The following MCPH1 variants were observed in gnomAD, a reference collection of about 807,000 sequenced individuals.
MCPH1 encodes the protein microcephalin.
MCPH1 carries 104 observed loss-of-function variants against 84.5 expected under a neutral mutation model. That is an observed-to-expected ratio of 1.23 (90% CI 1.05 to 1.45). The LOEUF is 1.45. MCPH1 is among the 40% of genes most tolerant of loss of function. The pLI, the probability that MCPH1 is intolerant of heterozygous loss-of-function variation, is 0.00. For synonymous variants in MCPH1, 514 were observed against 366.8 expected, an observed-to-expected ratio of 1.40 and a Z score of -4.58; for missense variants, 1,498 against 1,005.7, an observed-to-expected ratio of 1.49 and a Z score of -6.62.
chr8:6,622,033 G>C lies in MCPH1; in HGVS notation c.2452+342G>C, dbSNP rs993885451. 1.8e-5 allele frequency: 7 copies of C among 395,140 alleles called. No homozygotes were observed. In the Admixed American group the frequency reaches 2.2e-4, roughly 12 times the overall value. The allele number at this position is 395,140 out of a possible 1,614,324, so 24.5% of individuals were successfully genotyped here. On this transcript the variant is annotated intron_variant, in intron 13 of 13. Transcript: ENST00000344683. ...ACCCCTCTTAGACCCTCCCTCCCCA[G>C]TGCCTCCTTGTCCTGCTTCAGGAGT...
chr8:6,572,000 C>G (rs1238002980), intron 12 of MCPH1, among the ~76,000 whole-genome samples: 1 of 152,112 alleles, frequency 6.6e-6, no homozygotes, highest in Non-Finnish European at 1.5e-5. Context: ...CTTAAAAACG[C>G]TATTTCAAGC....
intron 12 of MCPH1, among the ~76,000 whole-genome samples, chr8:6,579,330 A>C (rs1181035891): frequency 1.3e-5 from 2 of 152,204 alleles, no homozygotes; most frequent in African/African-American, 4.8e-5. Context: ...ATTATCAAAG[A>C]AAGATTGCTT....
intron 11 of MCPH1, among the ~76,000 whole-genome samples, chr8:6,493,634 G>A (rs879317079): frequency 4.6e-5 from 7 of 151,970 alleles, no homozygotes; most frequent in Non-Finnish European, 8.8e-5. Flanking sequence ...TTACTGAAGT[G>A]CAGATCCTGG....
intron 10 of MCPH1, among the ~76,000 whole-genome samples, chr8:6,480,043 C>A (rs532218073): frequency 6.6e-6 from 1 of 152,064 alleles, no homozygotes; most frequent in African/African-American, 2.4e-5. Flanking sequence ...TTCAAATAGG[C>A]CTGAAAAACA....
intron 13 of MCPH1, among the ~76,000 whole-genome samples, chr8:6,642,499 G>T (rs150492017): frequency 2.6e-5 from 4 of 152,218 alleles, no homozygotes; most frequent in Admixed American, 2.6e-4. Flanking sequence ...TAGAAAGTAT[G>T]CTTATTCACT....
chr8:6,519,649 A>G (rs970368725), intron 12 of MCPH1, among the ~76,000 whole-genome samples: 1 of 152,242 alleles, frequency 6.6e-6, no homozygotes, highest in Non-Finnish European at 1.5e-5. Context: ...ACATTTCTAC[A>G]TCATTCATAT....
At chr8:6,509,752 T>A (rs1190669895) in intron 12 of MCPH1, among the ~76,000 whole-genome samples, 2 of 152,234 alleles carry the variant, frequency 1.3e-5, no homozygotes, top group Non-Finnish European at 2.9e-5. Context: ...GGAATACACC[T>A]GACCTTTGGA....
rs61557173 is a variant in MCPH1, at chr8:6,457,313, C to T, written c.1935+2061C>T. Among the ~76,000 whole-genome samples, 185 of 151,794 alleles carry T rather than the reference C, an allele frequency of 1.2e-3. 3 individuals carry two copies. In the East Asian group the frequency reaches 0.03, roughly 24 times the overall value. On this transcript the variant is annotated intron_variant, in intron 9 of 13. Transcript: ENST00000344683. ...AGGTTTTAAATGCAGATTTTCTGGG[C>T]CAGTCATGGTGGCTCATGCCTATAA...
chr8:6,560,066 C>G (rs970844534), intron 12 of MCPH1, among the ~76,000 whole-genome samples: 4 of 152,216 alleles, frequency 2.6e-5, no homozygotes, highest in Admixed American at 1.3e-4. Flanking sequence ...GGTTGAACTA[C>G]TATTTATTTG....
chr8:6,624,742 A>C (rs1028127880), intron 13 of MCPH1: 2 of 905,490 alleles, frequency 2.2e-6, no homozygotes, highest in African/African-American at 3.6e-5. Context: ...ATGTACAAAT[A>C]AAGGAAGGTT....
At chr8:6,480,991 C>CAGGAAAGTGTGCAGA in intron 11 of MCPH1, 115 bp downstream of exon 11, 1 of 1,245,046 alleles carries the variant, frequency 8.0e-7, no homozygotes, top group Non-Finnish European at 1.2e-6. Context: ...GATCTGCACA[C>CAGGAAAGTGTGCAGA]TTTCCTGTGA....
intron 11 of MCPH1, among the ~76,000 whole-genome samples, chr8:6,495,011 T>C (rs1285597340): frequency 1.3e-5 from 2 of 152,224 alleles, no homozygotes; most frequent in Non-Finnish European, 2.9e-5. Context: ...ATAGGAAGCA[T>C]TTCTTGATGT....
At chr8:6,612,194 G>A (rs1390242261) in intron 12 of MCPH1, among the ~76,000 whole-genome samples, 3 of 152,092 alleles carry the variant, frequency 2.0e-5, no homozygotes, top group East Asian at 3.8e-4. Context: ...CCAGGAACCC[G>A]GGGCAGAAAC....
intron 12 of MCPH1, among the ~76,000 whole-genome samples, chr8:6,526,027 A>G (rs1462131604): frequency 6.6e-6 from 1 of 152,146 alleles, no homozygotes; most frequent in Non-Finnish European, 1.5e-5. Context: ...TGTCACGGAC[A>G]TCATTGTATA....
chr8:6,504,342 G>A (rs1244604336), intron 12 of MCPH1, among the ~76,000 whole-genome samples: 3 of 134,450 alleles, frequency 2.2e-5, no homozygotes, highest in African/African-American at 8.3e-5. Context: ...AAAAAAGAAT[G>A]TATAAACCTT....
chr8:6,426,536 G>A (rs1801085989), intron 3 of MCPH1, among the ~76,000 whole-genome samples: 2 of 152,224 alleles, frequency 1.3e-5, no homozygotes, highest in Admixed American at 6.5e-5. Flanking sequence ...TCCTTTTATA[G>A]CTGAGTAGTA....
chr8:6,508,347 C>T (rs538628287), intron 12 of MCPH1: 1 of 153,706 alleles, frequency 6.5e-6, no homozygotes, highest in Admixed American at 6.5e-5. Context: ...ACTGGGGAGG[C>T]TGAGGCAGGA....
At chr8:6,433,404 G>A (rs555477226) in intron 4 of MCPH1, among the ~76,000 whole-genome samples, 60 of 152,132 alleles carry the variant, frequency 3.9e-4, no homozygotes, top group Middle Eastern at 3.4e-3. Flanking sequence ...AGGCCAAGGC[G>A]GGCAAATCAG....
At chr8:6,496,156 C>T (rs112206082) in intron 11 of MCPH1, among the ~76,000 whole-genome samples, 1 of 152,154 alleles carries the variant, frequency 6.6e-6, no homozygotes, top group African/African-American at 2.4e-5. Flanking sequence ...AGCTTGTTTT[C>T]TGCAACTAGA....
Sources: gnomAD v4.1 joint callset for allele counts (sites outside exome capture counted in the v4.1 genomes callset) on GRCh38, gnomAD v4.1.1 for gene constraint, MANE v1.5 for transcripts, NCBI Gene and HGNC (gene_info 2026-07-23, HGNC 2026-07-21) for gene names.